The following CRPPA variants were observed in gnomAD, a reference collection of about 807,000 sequenced individuals.
CRPPA encodes the protein D-ribitol-5-phosphate cytidylyltransferase.
CRPPA carries 43 observed loss-of-function variants against 52.0 expected under a neutral mutation model. The ratio of observed to expected loss-of-function variants is 0.83; its 90% CI spans 0.65 to 1.07. The LOEUF (loss-of-function observed/expected upper bound fraction) is 1.07, where lower values mean the gene tolerates loss of function less well. Among genes scored for constraint, CRPPA ranks in the 50% least tolerant of loss-of-function variants. The pLI is 0.00. For synonymous variants in CRPPA, 250 were observed against 203.5 expected, an observed-to-expected ratio of 1.23 and a Z score of -1.94; for missense variants, 629 against 551.7, an observed-to-expected ratio of 1.14 and a Z score of -1.40.
chr7:16,248,493 C>G (rs981622158), intron 8 of CRPPA, among the ~76,000 whole-genome samples: 1 of 152,138 alleles, frequency 6.6e-6, no homozygotes, highest in Non-Finnish European at 1.5e-5. Context: ...AAGAAGTCAA[C>G]TTACAGAGAA....
At chr7:16,392,106 C>A (rs979706574) in intron 2 of CRPPA, among the ~76,000 whole-genome samples, 2 of 152,080 alleles carry the variant, frequency 1.3e-5, no homozygotes, top group Non-Finnish European at 2.9e-5. Flanking sequence ...AATTAATATT[C>A]TTTTCTATTA....
chr7:16,153,003 T>C (rs1783106590), intron 9 of CRPPA, among the ~76,000 whole-genome samples: 1 of 152,162 alleles, frequency 6.6e-6, no homozygotes, highest in East Asian at 1.9e-4. Flanking sequence ...TTAGCCTAAC[T>C]GTGATATCCT....
intron 8 of CRPPA, chr7:16,236,042 A>G (rs867822325): frequency 6.6e-6 from 1 of 152,088 alleles, no homozygotes. Flanking sequence ...AGCAGGCCAC[A>G]TTTGCTGGGA....
intron 9 of CRPPA, among the ~76,000 whole-genome samples, chr7:16,098,309 G>A (rs1166243881): frequency 6.6e-6 from 1 of 152,128 alleles, no homozygotes; most frequent in Non-Finnish European, 1.5e-5. Flanking sequence ...AAACTATAAA[G>A]TTAAAATGTA....
At chr7:16,281,397 C>T (rs1784318213) in intron 5 of CRPPA, among the ~76,000 whole-genome samples, 1 of 152,176 alleles carries the variant, frequency 6.6e-6, no homozygotes, top group Admixed American at 6.5e-5. Context: ...AACCTTGCTA[C>T]ATTTACTTAT....
intron 9 of CRPPA, among the ~76,000 whole-genome samples, chr7:16,212,815 T>C (rs1583433425): frequency 1.3e-5 from 2 of 152,200 alleles, no homozygotes; most frequent in African/African-American, 4.8e-5. Context: ...CGAGGTGATA[T>C]AACTAGTTTT....
intron 2 of CRPPA, among the ~76,000 whole-genome samples, chr7:16,405,413 T>C (rs1438039988): frequency 6.6e-6 from 1 of 152,158 alleles, no homozygotes; most frequent in Non-Finnish European, 1.5e-5. Flanking sequence ...TCCAACTTCA[T>C]AGCCTATTTC....
chr7:16,360,988 G>A (rs1786429024), intron 3 of CRPPA, among the ~76,000 whole-genome samples: 1 of 152,026 alleles, frequency 6.6e-6, no homozygotes, highest in Admixed American at 6.5e-5. Flanking sequence ...TTAAGACCTA[G>A]AATACATAAA....
At chr7:16,147,689 G>A (rs1462615847) in intron 9 of CRPPA, among the ~76,000 whole-genome samples, 2 of 152,134 alleles carry the variant, frequency 1.3e-5, no homozygotes, top group Non-Finnish European at 1.5e-5. Context: ...GACATTTTCA[G>A]TGCCTATCAC....
chr7:16,398,621 A>C (rs2128316630), intron 2 of CRPPA, among the ~76,000 whole-genome samples: 1 of 152,184 alleles, frequency 6.6e-6, no homozygotes, highest in East Asian at 1.9e-4. Context: ...ACACATCACC[A>C]ACATGACTGA....
intron 9 of CRPPA, among the ~76,000 whole-genome samples, chr7:16,171,394 T>C (rs1324649084): frequency 2.0e-5 from 3 of 152,194 alleles, no homozygotes; most frequent in South Asian, 2.1e-4. Flanking sequence ...CTTGTTGATT[T>C]TTAAACTCAA....
chr7:16,212,378 A>C (rs1013080166), intron 9 of CRPPA, among the ~76,000 whole-genome samples: 3 of 152,178 alleles, frequency 2.0e-5, no homozygotes, highest in African/African-American at 4.8e-5. Flanking sequence ...TGATGGGCTA[A>C]AACGATACAC....
intron 9 of CRPPA, chr7:16,209,273 C>CTT (rs34795937): frequency 0.062 from 7,571 of 122,976 alleles, 769 homozygotes; most frequent in East Asian, 0.3. Context: ...TTCTAAGTGT[C>CTT]TTTTTTTTTT....
intron 8 of CRPPA, among the ~76,000 whole-genome samples, chr7:16,251,664 G>T (rs1202224261): frequency 2.0e-5 from 3 of 152,292 alleles, no homozygotes; most frequent in African/African-American, 7.2e-5. Context: ...AAATAAAGAT[G>T]TTCTTTGAAA....
intron 1 of CRPPA, among the ~76,000 whole-genome samples, chr7:16,419,609 A>C (rs1381748018): frequency 6.6e-6 from 1 of 152,124 alleles, no homozygotes; most frequent in Non-Finnish European, 1.5e-5. Context: ...AAAACCTAAG[A>C]TCAGTGCTTG....
Position 16,419,090 on chromosome 7 carries a change from G to A in CRPPA, c.257+1976C>T, listed in dbSNP as rs979145473. The stretch of plus-strand genomic sequence containing the variant: ...TAAGTGGTTCATGAAATGGTTTCAG[G>A]GACCCCTCTCCCCACTACCCAGAGA... On this transcript the variant is annotated intron_variant, in intron 1 of 9. Coordinates refer to ENST00000407010, the MANE Select transcript of CRPPA (RefSeq NM_001101426.4). Among the ~76,000 whole-genome samples, 5 of 152,080 alleles carry A rather than the reference G, an allele frequency of 3.3e-5. No homozygotes were observed. In the East Asian group the frequency reaches 9.6e-4, roughly 29 times the overall value.
chr7:16,312,245 T>C (rs1436662253), intron 3 of CRPPA, among the ~76,000 whole-genome samples: 1 of 152,022 alleles, frequency 6.6e-6, no homozygotes, highest in African/African-American at 2.4e-5. Context: ...AGTCTTCTTA[T>C]CCACAAACAT....
intron 2 of CRPPA, among the ~76,000 whole-genome samples, chr7:16,387,090 C>CATGTATATATATATAT (rs1463920056): frequency 2.3e-5 from 1 of 43,160 alleles, no homozygotes; most frequent in African/African-American, 9.5e-5. Flanking sequence ...TATATATACA[C>CATGTATATATATATAT]ACATATATAT....
chr7:16,123,980 C>G (rs1326659942), intron 9 of CRPPA, among the ~76,000 whole-genome samples: 1 of 152,140 alleles, frequency 6.6e-6, no homozygotes, highest in Non-Finnish European at 1.5e-5. Flanking sequence ...GATTTCCTAT[C>G]TTGGCTATTG....
Sources: gnomAD v4.1 joint callset for allele counts (sites outside exome capture counted in the v4.1 genomes callset) on GRCh38, gnomAD v4.1.1 for gene constraint, MANE v1.5 for transcripts, NCBI Gene and HGNC (gene_info 2026-07-23, HGNC 2026-07-21) for gene names.